The following STAU2 variants were observed in gnomAD, a reference collection of about 807,000 sequenced individuals.
The protein encoded by STAU2 is staufen double-stranded RNA binding protein 2.
In STAU2, 20 loss-of-function variants were observed where a neutral mutation model predicts 65.9. The observed-to-expected ratio is 0.30, with a 90% CI of 0.21 to 0.44. The LOEUF (loss-of-function observed/expected upper bound fraction) is 0.44, where lower values mean the gene tolerates loss of function less well. STAU2 is among the 20% of genes least tolerant of loss of function. The pLI is 1.00. For missense variants in STAU2, 558 were observed against 683.9 expected, an observed-to-expected ratio of 0.82 and a Z score of 2.05; for synonymous variants, 232 against 233.9, an observed-to-expected ratio of 0.99 and a Z score of 0.07.
chr8:73,719,237 A>G (rs1459899334), intron 3 of STAU2, among the ~76,000 whole-genome samples: 2 of 152,162 alleles, frequency 1.3e-5, no homozygotes, highest in African/African-American at 2.4e-5. Context: ...CCCCGTCTCT[A>G]CTAAAAAATA....
At chr8:73,552,439 C>A in intron 12 of STAU2, 120 bp from the exon 13 acceptor site, 1 of 878,402 alleles carries the variant, frequency 1.1e-6, no homozygotes, top group Non-Finnish European at 1.7e-6. Context: ...CACTGCCAAA[C>A]AAGTATCTTT....
At chr8:73,459,472 C>A (rs1819232627) in intron 13 of STAU2, among the ~76,000 whole-genome samples, 1 of 152,164 alleles carries the variant, frequency 6.6e-6, no homozygotes, top group Admixed American at 6.5e-5. Context: ...AATGTCCAAA[C>A]TTTTTAAAAG....
At position 73,615,746 on chromosome 8, in the gene STAU2, C is replaced by A; in HGVS notation, c.607G>T (p.Asp203Tyr). The change falls in exon 8 of 15, where the codon GAT (aspartate) becomes TAT (tyrosine). Residue 203 changes from aspartate (D) to tyrosine (Y), a missense_variant. Coordinates refer to ENST00000524300, the MANE Select transcript of STAU2 (RefSeq NM_001164380.2). ...ESGKDVDDDK[D>Y]ANKSEISLVF... The stretch of plus-strand genomic sequence containing the variant: ...AAGCTGATCTCAGACTTATTTGCAT[C>A]TTTGTCATCATCCACATCCTTTCCT... 1.2e-6 allele frequency: 2 copies of A among 1,613,656 alleles called. No individual in the cohort carries two copies. The highest frequency in any genetic ancestry group is 1.7e-6 in the Non-Finnish European group (2 of 1,179,888).
intron 6 of STAU2, among the ~76,000 whole-genome samples, chr8:73,669,512 G>A (rs914994697): frequency 6.6e-6 from 1 of 152,122 alleles, no homozygotes; most frequent in African/African-American, 2.4e-5. Context: ...CATGATCCCT[G>A]TCTAATTTCA....
intron 6 of STAU2, among the ~76,000 whole-genome samples, chr8:73,625,175 A>C (rs55730288): frequency 0.33 from 50,158 of 152,096 alleles, 9,781 homozygotes; most frequent in African/African-American, 0.53. Context: ...AAAAATTAAA[A>C]GCAGAATTAC....
intron 13 of STAU2, among the ~76,000 whole-genome samples, chr8:73,495,592 A>G (rs1396262338): frequency 6.7e-6 from 1 of 149,898 alleles, no homozygotes. Flanking sequence ...ATTAGTCAAT[A>G]TGCCCACATT....
intron 13 of STAU2, among the ~76,000 whole-genome samples, chr8:73,535,984 A>T (rs1276134767): frequency 6.6e-6 from 1 of 152,172 alleles, no homozygotes; most frequent in African/African-American, 2.4e-5. Flanking sequence ...TTTTAAAAAA[A>T]ATATTTTAAC....
intron 4 of STAU2, among the ~76,000 whole-genome samples, chr8:73,698,390 T>C (rs537865399): frequency 6.6e-6 from 1 of 151,120 alleles, no homozygotes; most frequent in Non-Finnish European, 1.5e-5. Flanking sequence ...ACAAACAAGA[T>C]CCAATGATCT....
chr8:73,671,111 TA>T (rs1396241616), intron 6 of STAU2, among the ~76,000 whole-genome samples: 1 of 152,108 alleles, frequency 6.6e-6, no homozygotes, highest in African/African-American at 2.4e-5. Flanking sequence ...GCCTCACTAG[TA>T]ATCAATAAAA....
chr8:73,716,210 T>G (rs1821240100), intron 3 of STAU2, among the ~76,000 whole-genome samples: 2 of 151,934 alleles, frequency 1.3e-5, no homozygotes, highest in Non-Finnish European at 2.9e-5. Context: ...TGCCTCAGCC[T>G]CCCAAGTAGC....
chr8:73,744,319 A>T (rs995151602), intron 1 of STAU2, among the ~76,000 whole-genome samples: 17 of 152,152 alleles, frequency 1.1e-4, no homozygotes, highest in African/African-American at 3.9e-4. Flanking sequence ...TATGTGAATA[A>T]TCATACTGTG....
rs1486692052 is a variant in STAU2, at chr8:73,688,673, AC to A, written c.254del (p.Ser85IlefsTer10). On this transcript the variant is annotated frameshift_variant, in exon 5 of 15. Coordinates refer to ENST00000524300, the MANE Select transcript of STAU2 (RefSeq NM_001164380.2). LOFTEE classifies it high-confidence loss of function. ...LPKPVQKPPK[S>X]NVNNNPGSIT... The stretch of plus-strand genomic sequence containing the variant: ...CCATACCTGGGTTATTGTTAACATT[AC>A]TTTTGGGTGGCTTCTGAACTGGTTT... The A allele has an allele frequency of 6.2e-7, 1 of 1,614,026 alleles. No homozygotes were observed.
chr8:73,677,885 A>T (rs2130443932), intron 5 of STAU2, among the ~76,000 whole-genome samples: 1 of 152,010 alleles, frequency 6.6e-6, no homozygotes, highest in South Asian at 2.1e-4. Context: ...CCTTTCAGAC[A>T]CTCTCCTGTT....
chr8:73,456,011 G>C (rs559028363), intron 13 of STAU2, among the ~76,000 whole-genome samples: 3 of 152,318 alleles, frequency 2.0e-5, no homozygotes, highest in Non-Finnish European at 4.4e-5. Context: ...TGGATTAAAT[G>C]TCTAGACCCA....
chr8:73,725,143 G>A (rs1805535406), intron 3 of STAU2, among the ~76,000 whole-genome samples: 1 of 152,058 alleles, frequency 6.6e-6, no homozygotes, highest in African/African-American at 2.4e-5. Context: ...GAGCATTTAA[G>A]TCATTTACAT....
At chr8:73,480,162 T>C (rs1048950578) in intron 13 of STAU2, among the ~76,000 whole-genome samples, 1 of 152,118 alleles carries the variant, frequency 6.6e-6, no homozygotes, top group Non-Finnish European at 1.5e-5. Context: ...TTCTCCAGTC[T>C]TCTATCCCAC....
intron 13 of STAU2, among the ~76,000 whole-genome samples, chr8:73,475,142 G>T (rs904524732): frequency 6.6e-6 from 1 of 152,170 alleles, no homozygotes; most frequent in African/African-American, 2.4e-5. Flanking sequence ...GGATCATGGG[G>T]TGGGGGCTTC....
At chr8:73,570,293 C>T (rs1161873081) in intron 12 of STAU2, among the ~76,000 whole-genome samples, 1 of 152,132 alleles carries the variant, frequency 6.6e-6, no homozygotes, top group Non-Finnish European at 1.5e-5. Context: ...ACAAAGCCTC[C>T]AAGAAATATG....
chr8:73,627,882 T>C (rs1813806502), intron 6 of STAU2, among the ~76,000 whole-genome samples: 1 of 151,980 alleles, frequency 6.6e-6, no homozygotes, highest in African/African-American at 2.4e-5. Flanking sequence ...CCTTATGTTC[T>C]CTAAGAGCCA....
Sources: allele counts gnomAD v4.1 joint callset (sites outside exome capture counted in the v4.1 genomes callset), GRCh38; gene constraint gnomAD v4.1.1; transcripts MANE v1.5; gene names NCBI Gene and HGNC (gene_info 2026-07-23, HGNC 2026-07-21).